LOXL2: variants seen among roughly 807,000 people sequenced by gnomAD.
The protein encoded by LOXL2 is lysyl oxidase homolog 2.
A neutral mutation model predicts 93.0 loss-of-function variants in LOXL2; 70 were observed. The ratio of observed to expected loss-of-function variants is 0.75; its 90% CI spans 0.62 to 0.92. The LOEUF (loss-of-function observed/expected upper bound fraction) is 0.92, where lower values mean the gene tolerates loss of function less well. LOXL2 is among the 40% of genes least tolerant of loss of function. The pLI is 0.00. For synonymous variants in LOXL2, 438 were observed against 413.2 expected, an observed-to-expected ratio of 1.06 and a Z score of -0.73; for missense variants, 973 against 1,054.9, an observed-to-expected ratio of 0.92 and a Z score of 1.08.
At chr8:23,315,129 T>C (rs183762746) in intron 9 of LOXL2, among the ~76,000 whole-genome samples, 3 of 152,246 alleles carry the variant, frequency 2.0e-5, no homozygotes, top group African/African-American at 7.2e-5. Flanking sequence ...GGGATCTCCT[T>C]TGCAGTGATG....
intron 2 of LOXL2, among the ~76,000 whole-genome samples, chr8:23,361,297 C>G (rs1804286506): frequency 6.6e-6 from 1 of 152,116 alleles, no homozygotes; most frequent in Admixed American, 6.6e-5. Flanking sequence ...CCCCTTGAAC[C>G]CAGAAGCCTG....
chr8:23,313,753 T>C (rs1044254170), intron 9 of LOXL2, among the ~76,000 whole-genome samples: 4 of 151,042 alleles, frequency 2.6e-5, no homozygotes, highest in Non-Finnish European at 5.9e-5. Flanking sequence ...ACTTCATGTC[T>C]AAAACACCAA....
At chr8:23,348,646 G>A (rs1026506392) in intron 3 of LOXL2, among the ~76,000 whole-genome samples, 10 of 152,154 alleles carry the variant, frequency 6.6e-5, no homozygotes, top group Non-Finnish European at 1.2e-4. Context: ...GGGAGGCCGA[G>A]GCGGGTGGAT....
chr8:23,347,168 AACACACACACACAC>A (rs60464587), intron 3 of LOXL2, among the ~76,000 whole-genome samples: 3,531 of 141,848 alleles, frequency 0.025, 58 homozygotes, highest in African/African-American at 0.027. Flanking sequence ...AACACACACA[AACACACACACACAC>A]ACACACACAC....
chr8:23,375,044 G>A (rs987895020), intron 1 of LOXL2, among the ~76,000 whole-genome samples: 1 of 152,184 alleles, frequency 6.6e-6, no homozygotes, highest in African/African-American at 2.4e-5. Context: ...GAATGGTACT[G>A]CCTAGGTTTT....
chr8:23,309,534 C>T, intron 10 of LOXL2, 134 bp downstream of exon 10: 5 of 1,079,402 alleles, frequency 4.6e-6, no homozygotes, highest in Non-Finnish European at 6.1e-6. Flanking sequence ...GCAAGCCCCC[C>T]ACTTAGGAGG....
At chr8:23,344,781 G>T (rs916048396) in intron 3 of LOXL2, among the ~76,000 whole-genome samples, 1 of 152,116 alleles carries the variant, frequency 6.6e-6, no homozygotes, top group Non-Finnish European at 1.5e-5. Context: ...TCCTTGCAAG[G>T]CCTTAGGAAA....
At position 23,308,487 on chromosome 8, in the gene LOXL2, G is replaced by A. The variant is rs565852867; in HGVS notation, c.1880+1181C>T. Reference sequence around the variant, plus strand: ...GACTAGGCCACGCCTGTAGCCCCTCGGGGGCTTCCTGCTTTATTTAGTGGT... The same window carrying A: ...GACTAGGCCACGCCTGTAGCCCCTCAGGGGCTTCCTGCTTTATTTAGTGGT... On this transcript the variant is annotated intron_variant, in intron 10 of 13. Transcript: ENST00000389131. Among the ~76,000 whole-genome samples, 38 of 152,236 alleles carry A rather than the reference G, an allele frequency of 2.5e-4. No individual in the cohort carries two copies. In the South Asian group the frequency reaches 7.7e-3, roughly 31 times the overall value.
chr8:23,333,621 A>G lies in LOXL2; in HGVS notation c.746T>C (p.Met249Thr). ...GCGCTGCTTCCTCCGTGAGGCAAAC[A>G]TTCTGCAGACGATGGGAGGGGACAG... Reference protein sequence around the residue: ...ERTYNTKVYKMFASRRKQRYW... With the variant: ...ERTYNTKVYKTFASRRKQRYW... Residue 249 changes from methionine (M) to threonine (T), a missense_variant and splice_region_variant, in exon 5 of 14, where the codon ATG becomes ACG. Coordinates refer to ENST00000389131, the MANE Select transcript of LOXL2 (RefSeq NM_002318.3). 6.2e-7 allele frequency: 1 copy of G among 1,612,006 alleles called. No homozygotes were observed. Among genetic ancestry groups the G allele is most frequent in the Non-Finnish European group, 8.5e-7 (1 of 1,178,818 alleles).
intron 3 of LOXL2, 53 bp downstream of exon 3, chr8:23,360,037 A>G: frequency 1.3e-6 from 2 of 1,531,830 alleles, no homozygotes; most frequent in Non-Finnish European, 1.8e-6. Context: ...AGCGAGTTGC[A>G]TGGAAGAGGA....
rs1326520627 is a variant in LOXL2 at position 23,322,129 on chromosome 8, C to T, written c.1302+1G>A. On this transcript the variant is annotated splice_donor_variant, in intron 7 of 13. Transcript: ENST00000389131. LOFTEE classifies it high-confidence loss of function. ...CCCCTCTAGGTGTCCAGTCCCATCA[C>T]CTTCTTCTGCAAGCCCATGGCAGGG... The T allele has an allele frequency of 6.2e-7, 1 of 1,613,914 alleles. No individual in the cohort carries two copies. Among genetic ancestry groups the T allele is most frequent in the South Asian group, 1.1e-5 (1 of 91,050 alleles).
rs1465822556 is a variant in LOXL2, at chr8:23,304,950, GC to G, written c.1881-1554del. On this transcript the variant is annotated intron_variant, in intron 10 of 13. Coordinates refer to ENST00000389131, the MANE Select transcript of LOXL2 (RefSeq NM_002318.3). ...TTCCCTTCCTCCTGCATTTGCCTGT[GC>G]TAAAAATAATATCAGAAGTTGCTAA... is the stretch of plus-strand genomic sequence containing the variant. 3.3e-5 allele frequency among the ~76,000 whole-genome samples: 5 copies of G among 152,282 alleles called. No homozygotes were observed. In the East Asian group the frequency reaches 9.6e-4, roughly 29 times the overall value.
intron 1 of LOXL2, among the ~76,000 whole-genome samples, chr8:23,375,001 T>C (rs1028445991): frequency 1.3e-5 from 2 of 152,244 alleles, no homozygotes; most frequent in African/African-American, 4.8e-5. Flanking sequence ...TTTGGAGTTT[T>C]AGACATGAAG....
intron 4 of LOXL2, among the ~76,000 whole-genome samples, chr8:23,337,884 A>G (rs1349405962): frequency 2.0e-5 from 3 of 152,202 alleles, no homozygotes; most frequent in Non-Finnish European, 4.4e-5. Flanking sequence ...ACTTTTGGCA[A>G]GCCTGTGGCT....
At chr8:23,299,746 G>A (rs1249460692) in intron 12 of LOXL2, among the ~76,000 whole-genome samples, 1 of 152,204 alleles carries the variant, frequency 6.6e-6, no homozygotes, top group Non-Finnish European at 1.5e-5. Flanking sequence ...GAAGGGCTGC[G>A]ACCCACAGCA....
intron 3 of LOXL2, 83 bp from the exon 4 acceptor site, chr8:23,341,286 G>T: frequency 1.7e-6 from 2 of 1,162,584 alleles, no homozygotes; most frequent in East Asian, 2.4e-5. Context: ...CTTCTTTAGC[G>T]ACTATGGGCC....
intron 5 of LOXL2, among the ~76,000 whole-genome samples, chr8:23,331,200 G>A (rs991408408): frequency 1.3e-5 from 2 of 152,176 alleles, no homozygotes; most frequent in African/African-American, 4.8e-5. Context: ...AGGGGAGAGG[G>A]GAAAGAGGGA....
At chr8:23,386,328 G>C (rs1804759071) in intron 1 of LOXL2, among the ~76,000 whole-genome samples, 1 of 152,208 alleles carries the variant, frequency 6.6e-6, no homozygotes, top group African/African-American at 2.4e-5. Context: ...TGAATGTGGA[G>C]GTTGCAGTGA....
chr8:23,341,036 C>T lies in LOXL2; in HGVS notation c.699G>A (p.Met233Ile), dbSNP rs1307918190. ...ATGTCCTCTCCCCAGGGAAGCCAAA[C>T]ATGCCGCAGACCACGCGGGAATTCT... Reference protein sequence around the residue: ...TAKNSRVVCGMFGFPGERTYN... With the variant: ...TAKNSRVVCGIFGFPGERTYN... Residue 233 changes from methionine to isoleucine, a missense_variant, in exon 4 of 14, where the codon ATG (methionine) becomes ATA (isoleucine). Met to Ile is a conservative substitution (Grantham distance 10, BLOSUM62 1). Transcript: ENST00000389131. 1 of 1,614,084 alleles carries T rather than the reference C, an allele frequency of 6.2e-7. No homozygotes were observed. Among genetic ancestry groups the T allele is most frequent in the African/African-American group, 1.3e-5 (1 of 74,938 alleles).
Sources: allele counts gnomAD v4.1 joint callset (sites outside exome capture counted in the v4.1 genomes callset), GRCh38; gene constraint gnomAD v4.1.1; transcripts MANE v1.5; gene names NCBI Gene and HGNC (gene_info 2026-07-23, HGNC 2026-07-21).